The following CRACDL variants were observed in gnomAD, a reference collection of about 807,000 sequenced individuals.
CRACDL encodes CRACD-like protein.
A neutral mutation model predicts 70.6 loss-of-function variants in CRACDL; 26 were observed. That is an observed-to-expected ratio of 0.37 (90% CI 0.27 to 0.51). The LOEUF (loss-of-function observed/expected upper bound fraction) is 0.51, where lower values mean the gene tolerates loss of function less well. CRACDL is among the 20% of genes least tolerant of loss of function. The pLI is 0.94. For synonymous variants in CRACDL, 618 were observed against 615.2 expected (o/e 1.00, Z -0.07); for missense variants, 1,283 against 1,376.9 (o/e 0.93, Z 1.08).
chr2:98,802,917 G>C (rs1282146082), intron 7 of CRACDL, among the ~76,000 whole-genome samples: 2 of 152,058 alleles, frequency 1.3e-5, no homozygotes, highest in Non-Finnish European at 2.9e-5. Context: ...TGAAAAATTT[G>C]GTACATGGTG....
intron 1 of CRACDL, among the ~76,000 whole-genome samples, chr2:98,853,233 G>A (rs2104553273): frequency 6.6e-6 from 1 of 152,154 alleles, no homozygotes; most frequent in South Asian, 2.1e-4. Context: ...AGATGAAGAG[G>A]AAATCTTGAC....
intron 1 of CRACDL, among the ~76,000 whole-genome samples, chr2:98,866,644 C>T (rs992059009): frequency 2.0e-5 from 3 of 151,338 alleles, no homozygotes; most frequent in South Asian, 2.1e-4. Context: ...CGCACCACCA[C>T]GCAGGCTAAT....
intron 1 of CRACDL, chr2:98,869,391 T>A: frequency 1.4e-6 from 1 of 711,222 alleles, no homozygotes; most frequent in Non-Finnish European, 1.9e-6. Context: ...GCAATGCACT[T>A]CCGCCTTCCA....
intron 1 of CRACDL, chr2:98,912,874 T>C (rs980467882): frequency 6.6e-6 from 1 of 152,268 alleles, no homozygotes; most frequent in Non-Finnish European, 1.5e-5. Context: ...CTGAGACCTC[T>C]ATCCGCTTTC....
intron 7 of CRACDL, among the ~76,000 whole-genome samples, chr2:98,821,092 C>T (rs1428159952): frequency 6.6e-6 from 1 of 152,180 alleles, no homozygotes; most frequent in African/African-American, 2.4e-5. Flanking sequence ...TCAGTTTTTA[C>T]GTTTCTCTTT....
At position 98,794,120 on chromosome 2, in the gene CRACDL, G is replaced by A. The variant is rs1703704498; in HGVS notation, c.*412C>T. On this transcript the variant is annotated 3_prime_UTR_variant, in exon 10 of 10. Transcript: ENST00000397899. ...ATCCACAGGCAAGAGAGCGACCAGA[G>A]ACATGGGCTGATCTCAGCTGGAAGC... The A allele has an allele frequency of 6.5e-6, 1 of 154,944 alleles. No individual in the cohort carries two copies. Among genetic ancestry groups the A allele is most frequent in the African/African-American group, 2.4e-5 (1 of 41,510 alleles). 9.6% of individuals were successfully genotyped at this position (154,944 alleles called of 1,614,324 possible).
At chr2:98,857,589 A>G (rs1464668706) in intron 1 of CRACDL, among the ~76,000 whole-genome samples, 2 of 152,178 alleles carry the variant, frequency 1.3e-5, no homozygotes, top group Non-Finnish European at 2.9e-5. Flanking sequence ...AAGAAATTAA[A>G]AGGTATGACT....
Position 98,891,436 on chromosome 2 carries a change from AT to A in CRACDL, c.-11+44501del, listed in dbSNP as rs372791041. Among the ~76,000 whole-genome samples, 10 of 146,882 alleles carry A rather than the reference AT, an allele frequency of 6.8e-5. No individual in the cohort carries two copies. The South Asian group carries it at 2.1e-3, about 31-fold the overall frequency. ...ACTTTGGAGCTTTTTGGGTTTCAGA[AT>A]TTTGGATTTGGGATGGTCAACCTGT... On this transcript the variant is annotated intron_variant, in intron 1 of 9. Coordinates refer to ENST00000397899, the MANE Select transcript of CRACDL (RefSeq NM_207362.3).
chr2:98,906,736 C>A (rs977229938), intron 1 of CRACDL, among the ~76,000 whole-genome samples: 21 of 152,026 alleles, frequency 1.4e-4, no homozygotes, highest in Non-Finnish European at 1.0e-4. Context: ...CATTGTCCTG[C>A]CTGTCTAGTG....
At chr2:98,802,000 C>CCACAA (rs1042524896) in intron 7 of CRACDL, among the ~76,000 whole-genome samples, 2 of 152,252 alleles carry the variant, frequency 1.3e-5, no homozygotes, top group Admixed American at 1.3e-4. Context: ...GATAAGAAAA[C>CCACAA]CACAGCAAGC....
chr2:98,796,016 G>T, intron 9 of CRACDL, 104 bp downstream of exon 9: 1 of 1,049,644 alleles, frequency 9.5e-7, no homozygotes, highest in Non-Finnish European at 1.5e-6. Context: ...AAAACTCAAT[G>T]TTGCAAGTAA....
chr2:98,795,077 A>ATATATATC, intron 9 of CRACDL, among the ~76,000 whole-genome samples: 1 of 58,510 alleles, frequency 1.7e-5, no homozygotes, highest in African/African-American at 6.6e-5. Context: ...ATATATATAT[A>ATATATATC]TTTTTTTTTT....
At chr2:98,861,246 C>T (rs1426787966) in intron 1 of CRACDL, among the ~76,000 whole-genome samples, 2 of 152,050 alleles carry the variant, frequency 1.3e-5, no homozygotes, top group African/African-American at 4.8e-5. Context: ...ACTTGGGAGG[C>T]TGAGGAAGGA....
At chr2:98,869,674 C>A (rs1461980031) in intron 1 of CRACDL, among the ~76,000 whole-genome samples, 1 of 152,222 alleles carries the variant, frequency 6.6e-6, no homozygotes, top group Non-Finnish European at 1.5e-5. Context: ...AGCACCAAAA[C>A]CACCCGGCCC....
intron 7 of CRACDL, among the ~76,000 whole-genome samples, chr2:98,807,781 G>A (rs1248633622): frequency 1.3e-5 from 2 of 152,218 alleles, no homozygotes; most frequent in African/African-American, 4.8e-5. Context: ...CATTTACTGA[G>A]AGGGTAAATC....
rs778571100 is a variant in CRACDL, at chr2:98,832,551, AATG to A, written c.376-42_376-40del. On this transcript the variant is annotated intron_variant, in intron 4 of 9. Transcript: ENST00000397899. Reference sequence around the variant, plus strand: ...AAGAACATGTGCTCTTATTTTCATCAATGATATTTATCAACAAATCCTCCTGCT... The same window carrying A: ...AAGAACATGTGCTCTTATTTTCATCAATATTTATCAACAAATCCTCCTGCT... 10 of 1,500,946 alleles carry A rather than the reference AATG, an allele frequency of 6.7e-6. No individual in the cohort carries two copies. The South Asian group carries it at 1.3e-4, about 19-fold the overall frequency. The allele number at this position is 1,500,946 out of a possible 1,614,324, so 93.0% of individuals were successfully genotyped here.
At position 98,796,170 on chromosome 2, in the gene CRACDL, T is replaced by G; in HGVS notation, c.2699A>C (p.Asn900Thr). The part of the protein sequence containing the change: ...AVDRKQGAKL[N>T]FKEGLQRGIS... ...TCCTCTTTGCAGCCCCTCCTTGAAG[T>G]TGAGCTTTGCCCCCTGCTTCCGGTC... Residue 900 changes from asparagine to threonine, a missense_variant, in exon 9 of 10, where the codon AAC becomes ACC. Transcript: ENST00000397899. 1 of 1,614,234 alleles carries G rather than the reference T, an allele frequency of 6.2e-7. No homozygotes were observed. The highest frequency in any genetic ancestry group is 8.5e-7 in the Non-Finnish European group (1 of 1,180,028).
At chr2:98,841,777 T>C (rs1356532373) in intron 2 of CRACDL, among the ~76,000 whole-genome samples, 1 of 152,214 alleles carries the variant, frequency 6.6e-6, no homozygotes, top group African/African-American at 2.4e-5. Context: ...GGTGCAAAAG[T>C]AATTGCAGCT....
chr2:98,821,750 G>A, intron 7 of CRACDL, 107 bp downstream of exon 7: 1 of 1,380,156 alleles, frequency 7.2e-7, no homozygotes, highest in South Asian at 1.3e-5. Flanking sequence ...CAATTCCCCT[G>A]CAACAAAGTT....
Sources: gnomAD v4.1 joint callset for allele counts (sites outside exome capture counted in the v4.1 genomes callset) on GRCh38, gnomAD v4.1.1 for gene constraint, MANE v1.5 for transcripts, NCBI Gene and HGNC (gene_info 2026-07-23, HGNC 2026-07-21) for gene names.